Variants in PLCB1 observed in about 807,000 individuals in gnomAD.
The protein encoded by PLCB1 is phospholipase C beta 1, also known as 1-phosphatidylinositol 4,5-bisphosphate phosphodiesterase beta-1.
In PLCB1, 46 loss-of-function variants were observed where a neutral mutation model predicts 161.8. The observed-to-expected ratio is 0.28, with a 90% CI of 0.22 to 0.36. PLCB1 has a LOEUF of 0.36. Among genes scored for constraint, PLCB1 ranks in the 10% least tolerant of loss-of-function variants. The probability of loss-of-function intolerance (pLI) is 1.00; values close to 1 mark genes in which losing one functional copy is unlikely to be tolerated. For missense variants in PLCB1, 1,016 were observed against 1,472.5 expected (o/e 0.69, Z 5.07); for synonymous variants, 517 against 503.7 (o/e 1.03, Z -0.35).
intron 1 of PLCB1, among the ~76,000 whole-genome samples, chr20:8,140,573 C>A (rs1236340499): frequency 6.6e-6 from 1 of 150,858 alleles, no homozygotes; most frequent in Non-Finnish European, 1.5e-5. Context: ...TCATTAAGAC[C>A]ACCTCGGGTG....
chr20:8,545,810 T>C (rs776915438), intron 3 of PLCB1, among the ~76,000 whole-genome samples: 17 of 152,214 alleles, frequency 1.1e-4, no homozygotes, highest in Non-Finnish European at 1.6e-4. Flanking sequence ...TTATTTCTTC[T>C]ATACGGCACA....
intron 2 of PLCB1, among the ~76,000 whole-genome samples, chr20:8,174,298 T>C (rs531847023): frequency 6.6e-5 from 10 of 152,276 alleles, no homozygotes; most frequent in African/African-American, 2.2e-4. Flanking sequence ...AGCAGTTTCT[T>C]ATCCGGAAAC....
intron 3 of PLCB1, among the ~76,000 whole-genome samples, chr20:8,578,886 C>T (rs570045982): frequency 3.9e-5 from 6 of 152,194 alleles, no homozygotes; most frequent in Admixed American, 3.3e-4. Flanking sequence ...TATACAGACC[C>T]GAGTAAATTT....
At position 8,486,581 on chromosome 20, in the gene PLCB1, C is replaced by T. The variant is rs902399774; in HGVS notation, c.246+115131C>T. Among the ~76,000 whole-genome samples the T allele has an allele frequency of 3.5e-4, 51 of 146,854 alleles. 1 individual carries two copies. The highest frequency in any genetic ancestry group is 1.2e-4 in the Non-Finnish European group (8 of 67,452). ...CGCAATCTCGGCTCACTGCAAGCTC[C>T]GCTTCCCGGGTTCACGCCATTCTCC... is the stretch of plus-strand genomic sequence containing the variant. On this transcript the variant is annotated intron_variant, in intron 3 of 31. Transcript: ENST00000338037.
chr20:8,459,854 A>G (rs1981496608), intron 3 of PLCB1, among the ~76,000 whole-genome samples: 1 of 152,212 alleles, frequency 6.6e-6, no homozygotes, highest in South Asian at 2.1e-4. Context: ...ATATTCAACA[A>G]TAGGATTTCC....
chr20:8,466,436 C>T (rs1185447776), intron 3 of PLCB1, among the ~76,000 whole-genome samples: 1 of 151,456 alleles, frequency 6.6e-6, no homozygotes, highest in African/African-American at 2.4e-5. Context: ...AACTAACCTG[C>T]ACATTGTGCA....
chr20:8,380,867 A>G (rs1987231722), intron 3 of PLCB1, among the ~76,000 whole-genome samples: 2 of 152,164 alleles, frequency 1.3e-5, no homozygotes, highest in Admixed American at 1.3e-4. Flanking sequence ...GGTTTTCTAA[A>G]TATAGAATCA....
intron 2 of PLCB1, among the ~76,000 whole-genome samples, chr20:8,279,860 A>C (rs1418953867): frequency 1.3e-5 from 2 of 152,194 alleles, no homozygotes; most frequent in Non-Finnish European, 2.9e-5. Flanking sequence ...AAGTAAAAAG[A>C]AAAGTAAGAA....
At chr20:8,278,529 G>T (rs35224005) in intron 2 of PLCB1, among the ~76,000 whole-genome samples, 23,300 of 151,362 alleles carry the variant, frequency 0.15, 2,397 homozygotes, top group Non-Finnish European at 0.23. Flanking sequence ...TGGGAAAAAA[G>T]TAGACAAAGA....
Position 8,647,921 on chromosome 20 carries a change from A to G in PLCB1, c.486A>G (p.Gln162=), listed in dbSNP as rs202085165. 4 of 1,601,442 alleles carry G rather than the reference A, an allele frequency of 2.5e-6. No homozygotes were observed. Among genetic ancestry groups the G allele is most frequent in the Non-Finnish European group, 3.4e-6 (4 of 1,176,004 alleles). The change falls in exon 6 of 32, where the codon CAA becomes CAG. Residue 162 remains glutamine (Q), a synonymous_variant. Transcript: ENST00000338037. The part of the protein sequence containing the change: ...LEKAYTKLKL[Q]VTPEGRIPLK... Reference sequence around the variant, plus strand: ...ACAGCTATACTAAACTTAAGCTGCAAGTCACTCCAGAAGGGCGTATTCCTC... The same window carrying G: ...ACAGCTATACTAAACTTAAGCTGCAGGTCACTCCAGAAGGGCGTATTCCTC...
intron 3 of PLCB1, among the ~76,000 whole-genome samples, chr20:8,401,870 G>A (rs926931321): frequency 6.6e-6 from 1 of 152,124 alleles, no homozygotes; most frequent in African/African-American, 2.4e-5. Context: ...GTATGCCCAG[G>A]GGTGAAAGGA....
intron 2 of PLCB1, among the ~76,000 whole-genome samples, chr20:8,302,077 G>T (rs1172030467): frequency 6.6e-6 from 1 of 152,224 alleles, no homozygotes; most frequent in Non-Finnish European, 1.5e-5. Flanking sequence ...AGTGCATGGT[G>T]CTCAGTAAGA....
chr20:8,668,997 T>C (rs1278643863), intron 9 of PLCB1, among the ~76,000 whole-genome samples: 2 of 152,202 alleles, frequency 1.3e-5, no homozygotes, highest in Non-Finnish European at 2.9e-5. Flanking sequence ...TTAACAATCA[T>C]GTATTACCCA....
intron 3 of PLCB1, among the ~76,000 whole-genome samples, chr20:8,493,413 A>G (rs1255400949): frequency 6.6e-6 from 1 of 152,088 alleles, no homozygotes; most frequent in African/African-American, 2.4e-5. Flanking sequence ...TGAATTTCTA[A>G]GGTTGTGATT....
At chr20:8,479,189 G>A (rs980005688) in intron 3 of PLCB1, among the ~76,000 whole-genome samples, 2 of 152,074 alleles carry the variant, frequency 1.3e-5, no homozygotes, top group African/African-American at 4.8e-5. Context: ...GTCACCTGCT[G>A]TAGAATGCTA....
intron 25 of PLCB1, among the ~76,000 whole-genome samples, chr20:8,764,298 A>C (rs970297651): frequency 6.6e-6 from 1 of 152,202 alleles, no homozygotes; most frequent in Non-Finnish European, 1.5e-5. Context: ...CTTTTATGAT[A>C]AATGTACCAG....
chr20:8,731,931 A>G (rs1980271679), intron 18 of PLCB1, among the ~76,000 whole-genome samples: 2 of 152,068 alleles, frequency 1.3e-5, no homozygotes, highest in Non-Finnish European at 2.9e-5. Flanking sequence ...GATTTGTTAA[A>G]TGAAACTTTA....
chr20:8,354,917 A>G (rs2663001), intron 2 of PLCB1, among the ~76,000 whole-genome samples: 6,050 of 152,302 alleles, frequency 0.04, 151 homozygotes, highest in South Asian at 0.053. Context: ...CGTTTAAGTG[A>G]ACTTAGCTGA....
At chr20:8,771,219 T>TA (rs1388723518) in intron 26 of PLCB1, among the ~76,000 whole-genome samples, 1 of 152,206 alleles carries the variant, frequency 6.6e-6, no homozygotes, top group Admixed American at 6.5e-5. Context: ...AGCTACAACA[T>TA]ATCTGTTGAT....
Sources: allele counts gnomAD v4.1 joint callset (sites outside exome capture counted in the v4.1 genomes callset), GRCh38; gene constraint gnomAD v4.1.1; transcripts MANE v1.5; gene names NCBI Gene and HGNC (gene_info 2026-07-23, HGNC 2026-07-21).